Variants in CTDP1 observed in about 807,000 individuals in gnomAD.
CTDP1 encodes the protein CTD phosphatase 1, also known as RNA polymerase II subunit A C-terminal domain phosphatase.
Under a neutral mutation model 91.8 loss-of-function variants are expected in CTDP1, and 47 were observed. The observed-to-expected ratio is 0.51, with a 90% CI of 0.41 to 0.65. The LOEUF is 0.65. Among genes scored for constraint, CTDP1 ranks in the 30% least tolerant of loss-of-function variants. The pLI is 0.00. For missense variants in CTDP1, 1,272 were observed against 1,373.7 expected (o/e 0.93, Z 1.17); for synonymous variants, 656 against 598.5 (o/e 1.10, Z -1.40).
intron 10 of CTDP1, among the ~76,000 whole-genome samples, chr18:79,718,286 G>T (rs541282520): frequency 2.0e-5 from 3 of 152,146 alleles, no homozygotes; most frequent in Non-Finnish European, 4.4e-5. Flanking sequence ...GTGCCCACCT[G>T]TGGCCGCCCC....
intron 10 of CTDP1, among the ~76,000 whole-genome samples, chr18:79,724,119 C>T (rs938442501): frequency 1.3e-5 from 2 of 152,154 alleles, no homozygotes; most frequent in Non-Finnish European, 2.9e-5. Flanking sequence ...CACGAAGATT[C>T]GCACCTTTCT....
intron 1 of CTDP1, among the ~76,000 whole-genome samples, chr18:79,694,579 G>T (rs1377122979): frequency 6.8e-6 from 1 of 146,544 alleles, no homozygotes. Context: ...AGTGCTGGGT[G>T]GTCTCATGTT....
intron 1 of CTDP1, among the ~76,000 whole-genome samples, chr18:79,690,874 A>G (rs2085606248): frequency 6.6e-6 from 1 of 152,212 alleles, no homozygotes; most frequent in African/African-American, 2.4e-5. Context: ...AGTACAGAAA[A>G]TTACGTGACT....
intron 8 of CTDP1, 26 bp from the exon 9 acceptor site, chr18:79,717,509 G>T: frequency 1.2e-6 from 2 of 1,611,058 alleles, no homozygotes; most frequent in Non-Finnish European, 8.5e-7. Context: ...GGCCGGAACA[G>T]CCTGACGCAG....
chr18:79,743,674 GA>G (rs1165819204), intron 12 of CTDP1, among the ~76,000 whole-genome samples: 1 of 152,224 alleles, frequency 6.6e-6, no homozygotes, highest in Non-Finnish European at 1.5e-5. Flanking sequence ...ACAAAGTGAG[GA>G]GGGGCTGAGC....
chr18:79,721,200 G>A (rs2086338619), intron 10 of CTDP1, among the ~76,000 whole-genome samples: 1 of 152,188 alleles, frequency 6.6e-6, no homozygotes, highest in Non-Finnish European at 1.5e-5. Flanking sequence ...CCAGGGACTG[G>A]GAACAGGTCT....
At position 79,736,358 on chromosome 18, in the gene CTDP1, G is replaced by A. The variant is rs1363121153; in HGVS notation, c.2584G>A (p.Asp862Asn). The change falls in exon 12 of 13, where the codon GAC (aspartate) becomes AAC (asparagine). Residue 862 changes from aspartate (D) to asparagine (N), a missense_variant. By Grantham distance (23) the Asp-to-Asn change is conservative (BLOSUM62 1). This residue lies in a region of CTDP1 where 881 missense variants were observed against 911.6 expected (regional missense o/e 0.97). Transcript: ENST00000613122. ...EDLESMDKEV[D>N]DILGEGSDDS... ...CTGACTCTTGGCTGTTTGTCAGGTGGACGACATCCTTGGAGAAGGCAGCGA... is the reference window on the plus strand; with the variant it reads ...CTGACTCTTGGCTGTTTGTCAGGTGAACGACATCCTTGGAGAAGGCAGCGA... 1 of 1,549,184 alleles carries A rather than the reference G, an allele frequency of 6.5e-7. No homozygotes were observed. The highest frequency in any genetic ancestry group is 8.7e-7 in the Non-Finnish European group (1 of 1,146,988).
In CTDP1 at chr18:79,695,951, C is replaced by G. The variant is rs759309904; in HGVS notation, c.399-26C>G. On this transcript the variant is annotated intron_variant, in intron 2 of 12. Transcript: ENST00000613122. Reference sequence around the variant, plus strand: ...CTGTGCGCAGAGACTCAGCTGAAAGCCCTGAACCTGTCCTTGCACTTGCAG... The same window carrying G: ...CTGTGCGCAGAGACTCAGCTGAAAGGCCTGAACCTGTCCTTGCACTTGCAG... The G allele has an allele frequency of 1.6e-5, 25 of 1,601,180 alleles. No homozygotes were observed. In the East Asian group the frequency reaches 5.4e-4, roughly 34 times the overall value.
At chr18:79,705,047 G>A (rs369568113) in intron 5 of CTDP1, 130 bp downstream of exon 5, 147 of 1,398,596 alleles carry the variant, frequency 1.1e-4, no homozygotes, top group Non-Finnish European at 1.4e-4. Flanking sequence ...AGGGTTGGCC[G>A]TTGTGCAGGG....
chr18:79,746,322 T>TCCCCGCGTCCCTCCCGTGCGCGTTGTGA (rs1568219965), intron 12 of CTDP1, among the ~76,000 whole-genome samples: 59 of 40,124 alleles, frequency 1.5e-3, no homozygotes, highest in Middle Eastern at 0.015. Flanking sequence ...GCGCGTTCTG[T>TCCCCGCGTCCCTCCCGTGCGCGTTGTGA]CCCCGCGTCC....
intron 1 of CTDP1, among the ~76,000 whole-genome samples, chr18:79,684,095 C>A (rs973852481): frequency 6.6e-6 from 1 of 152,244 alleles, no homozygotes; most frequent in Admixed American, 6.5e-5. Context: ...GCTCAAGCGT[C>A]GCTTGTGTGC....
chr18:79,692,673 G>T (rs979498532), intron 1 of CTDP1, among the ~76,000 whole-genome samples: 3 of 152,088 alleles, frequency 2.0e-5, no homozygotes, highest in Non-Finnish European at 4.4e-5. Context: ...CATGGGGCAG[G>T]GGGTAGAGCG....
At chr18:79,739,405 GT>G (rs150573212) in intron 12 of CTDP1, among the ~76,000 whole-genome samples, 89 of 144,108 alleles carry the variant, frequency 6.2e-4, no homozygotes, top group South Asian at 8.9e-4. Flanking sequence ...GGTTTTTGTG[GT>G]TTTTTTTTTT....
intron 8 of CTDP1, 125 bp downstream of exon 8, chr18:79,715,653 T>C: frequency 9.3e-7 from 1 of 1,080,136 alleles, no homozygotes; most frequent in Non-Finnish European, 1.3e-6. Flanking sequence ...AGAATCACCA[T>C]CTTTTAAGAA....
intron 5 of CTDP1, among the ~76,000 whole-genome samples, chr18:79,709,832 T>TG (rs1357548955): frequency 3.7e-4 from 56 of 152,214 alleles, no homozygotes; most frequent in Admixed American, 3.7e-3. Flanking sequence ...TCTACTAAAG[T>TG]AACTTGGGAG....
At chr18:79,721,011 G>A (rs767882447) in intron 10 of CTDP1, among the ~76,000 whole-genome samples, 12 of 152,186 alleles carry the variant, frequency 7.9e-5, no homozygotes, top group East Asian at 1.9e-4. Flanking sequence ...ATGAGGGGGC[G>A]CCTGGGGCAG....
At chr18:79,744,998 A>G (rs1599317359) in intron 12 of CTDP1, among the ~76,000 whole-genome samples, 1 of 152,164 alleles carries the variant, frequency 6.6e-6, no homozygotes, top group African/African-American at 2.4e-5. Context: ...GAACAGCCCC[A>G]TGTCCATGGC....
intron 10 of CTDP1, among the ~76,000 whole-genome samples, chr18:79,718,271 C>T (rs911757349): frequency 8.5e-5 from 13 of 152,128 alleles, no homozygotes; most frequent in South Asian, 4.1e-4. Flanking sequence ...TCCAGGCACC[C>T]GCATGTGCCC....
intron 8 of CTDP1, among the ~76,000 whole-genome samples, chr18:79,716,846 C>G (rs1158178719): frequency 6.6e-6 from 1 of 152,278 alleles, no homozygotes; most frequent in African/African-American, 2.4e-5. Flanking sequence ...AAGAGAGGTC[C>G]TCCTGCTGCT....
Sources: allele counts gnomAD v4.1 joint callset (sites outside exome capture counted in the v4.1 genomes callset), GRCh38; gene constraint gnomAD v4.1.1; regional missense constraint gnomAD v4.1.1; transcripts MANE v1.5; gene names NCBI Gene and HGNC (gene_info 2026-07-23, HGNC 2026-07-21).